Variants in PHLDB2 observed in about 807,000 individuals in gnomAD.
The protein encoded by PHLDB2 is pleckstrin homology-like domain family B member 2.
PHLDB2 carries 71 observed loss-of-function variants against 123.6 expected under a neutral mutation model. The ratio of observed to expected loss-of-function variants is 0.57; its 90% confidence interval spans 0.47 to 0.70. The LOEUF (loss-of-function observed/expected upper bound fraction) is 0.70, where lower values mean the gene tolerates loss of function less well. Among genes scored for constraint, PHLDB2 ranks in the 30% least tolerant of loss-of-function variants. PHLDB2 has a pLI of 0.00. For synonymous variants in PHLDB2, 547 were observed against 541.6 expected (o/e 1.01, Z -0.14); for missense variants, 1,446 against 1,519.5 (o/e 0.95, Z 0.80).
intron 8 of PHLDB2, among the ~76,000 whole-genome samples, chr3:111,941,986 C>G (rs1490134764): frequency 2.0e-5 from 3 of 152,158 alleles, no homozygotes; most frequent in Non-Finnish European, 4.4e-5. Flanking sequence ...CCCTCTCTAT[C>G]CCTTGCTCTG....
At chr3:111,818,633 G>A (rs771347956) in intron 1 of PHLDB2, among the ~76,000 whole-genome samples, 1 of 152,136 alleles carries the variant, frequency 6.6e-6, no homozygotes, top group Non-Finnish European at 1.5e-5. Context: ...GCTCTTTGCA[G>A]TCATGGCCTT....
intron 1 of PHLDB2, among the ~76,000 whole-genome samples, chr3:111,745,068 C>T (rs1053461061): frequency 6.6e-6 from 1 of 152,110 alleles, no homozygotes; most frequent in African/African-American, 2.4e-5. Context: ...AAGGGGCTAT[C>T]AATAAATTGC....
chr3:111,951,247 A>G (rs2070697874), intron 10 of PHLDB2, among the ~76,000 whole-genome samples: 1 of 152,166 alleles, frequency 6.6e-6, no homozygotes, highest in South Asian at 2.1e-4. Context: ...GTCCAGCTAC[A>G]TGACTTTGGC....
chr3:111,771,814 G>A (rs2060184135), intron 1 of PHLDB2, among the ~76,000 whole-genome samples: 1 of 152,158 alleles, frequency 6.6e-6, no homozygotes, highest in East Asian at 1.9e-4. Context: ...AGGTACTGGA[G>A]GTTAGGACTT....
At chr3:111,834,425 C>T (rs2063307501) in intron 1 of PHLDB2, among the ~76,000 whole-genome samples, 1 of 147,794 alleles carries the variant, frequency 6.8e-6, no homozygotes, top group South Asian at 2.1e-4. Context: ...AGCTTTACAA[C>T]TTGCTCTTTT....
intron 6 of PHLDB2, among the ~76,000 whole-genome samples, chr3:111,935,263 C>G (rs768696080): frequency 1.3e-5 from 2 of 151,622 alleles, no homozygotes; most frequent in Non-Finnish European, 2.9e-5. Flanking sequence ...CCATGCCTGG[C>G]TCATTTTTCA....
At chr3:111,814,640 A>T (rs1366431416) in intron 1 of PHLDB2, among the ~76,000 whole-genome samples, 1 of 151,854 alleles carries the variant, frequency 6.6e-6, no homozygotes, top group East Asian at 1.9e-4. Context: ...AAAAAAAAAA[A>T]AAAGCAGAGA....
intron 2 of PHLDB2, among the ~76,000 whole-genome samples, chr3:111,850,738 G>A (rs1024692879): frequency 2.0e-5 from 3 of 151,936 alleles, no homozygotes; most frequent in Admixed American, 6.6e-5. Flanking sequence ...CTCCAGCCTG[G>A]GCAAGAGAAC....
chr3:111,927,651 A>G (rs929257156), intron 5 of PHLDB2, among the ~76,000 whole-genome samples: 2 of 152,212 alleles, frequency 1.3e-5, no homozygotes, highest in African/African-American at 4.8e-5. Flanking sequence ...TATTGTAATT[A>G]TGTCCCGTGC....
In PHLDB2 at chr3:111,885,301, C is replaced by A. The variant is rs768074664; in HGVS notation, c.1224C>A (p.Ala408=). ...AGGCCTCAGGAACCCCCCAGCCTGC[C>A]CTTCGGGAACGGAAAAGCAGTATTA... The part of the protein sequence containing the change: ...LRQASGTPQP[A]LRERKSSISS... The change falls in exon 2 of 18, where the codon GCC becomes GCA. Residue 408 remains alanine, a synonymous_variant. Transcript: ENST00000431670. 6.2e-7 allele frequency: 1 copy of A among 1,614,002 alleles called. No homozygotes were observed. Among genetic ancestry groups the A allele is most frequent in the African/African-American group, 1.3e-5 (1 of 74,890 alleles).
chr3:111,861,073 G>C (rs1198822135), intron 1 of PHLDB2, among the ~76,000 whole-genome samples: 1 of 152,186 alleles, frequency 6.6e-6, no homozygotes. Context: ...GTTTCAGAAG[G>C]TTAAACTTTT....
chr3:111,932,887 A>T (rs1559909985), intron 6 of PHLDB2, among the ~76,000 whole-genome samples: 1 of 152,220 alleles, frequency 6.6e-6, no homozygotes, highest in African/African-American at 2.4e-5. Context: ...CATTGAACTA[A>T]TTAGCCCAAT....
At chr3:111,937,185 G>A (rs770760288) in intron 6 of PHLDB2, among the ~76,000 whole-genome samples, 51 of 152,160 alleles carry the variant, frequency 3.4e-4, no homozygotes, top group Non-Finnish European at 6.6e-4. Flanking sequence ...TTACTCAGTA[G>A]CTAATAGCTC....
exon 1 of PHLDB2, chr3:111,732,517 C>T: frequency 9.4e-7 from 1 of 1,065,336 alleles, no homozygotes; most frequent in East Asian, 2.6e-5. Context: ...CTGCAGAGGC[C>T]AGAGAGAGCA....
chr3:111,885,595 G>GA, intron 2 of PHLDB2, 183 bp downstream of exon 2: 1 of 841,126 alleles, frequency 1.2e-6, no homozygotes, highest in Middle Eastern at 2.2e-4. Context: ...TAATAGGCTT[G>GA]TTTGGCTATC....
intron 2 of PHLDB2, among the ~76,000 whole-genome samples, chr3:111,901,458 C>A (rs985585251): frequency 1.3e-5 from 2 of 151,646 alleles, no homozygotes; most frequent in Non-Finnish European, 2.9e-5. Context: ...AGTCTACTGT[C>A]GTTTTTTTAC....
At chr3:111,762,295 T>C (rs752113390) in intron 1 of PHLDB2, among the ~76,000 whole-genome samples, 1 of 152,246 alleles carries the variant, frequency 6.6e-6, no homozygotes, top group Non-Finnish European at 1.5e-5. Flanking sequence ...CAATAGCTCA[T>C]GTATAGTAAG....
intron 1 of PHLDB2, among the ~76,000 whole-genome samples, chr3:111,865,506 G>T (rs2065024891): frequency 6.6e-6 from 1 of 152,100 alleles, no homozygotes; most frequent in East Asian, 1.9e-4. Flanking sequence ...ACCAGTATCT[G>T]TGGGAGTCCA....
At chr3:111,793,908 T>C (rs887075662) in intron 1 of PHLDB2, among the ~76,000 whole-genome samples, 2 of 151,238 alleles carry the variant, frequency 1.3e-5, no homozygotes, top group African/African-American at 4.9e-5. Context: ...AAGTCCTCTT[T>C]AGTCTCCCCT....
Sources: allele counts gnomAD v4.1 joint callset (sites outside exome capture counted in the v4.1 genomes callset), GRCh38; gene constraint gnomAD v4.1.1; transcripts MANE v1.5; gene names NCBI Gene and HGNC (gene_info 2026-07-23, HGNC 2026-07-21).